Variants in CDH13 observed in about 807,000 individuals in gnomAD.
CDH13 encodes the protein cadherin 13.
A neutral mutation model predicts 63.8 loss-of-function variants in CDH13; 24 were observed. The ratio of observed to expected loss-of-function variants is 0.38; its 90% confidence interval spans 0.27 to 0.53. The LOEUF is 0.53. Among genes scored for constraint, CDH13 ranks in the 20% least tolerant of loss-of-function variants. The pLI, the probability that CDH13 is intolerant of heterozygous loss-of-function variation, is 0.85. For missense variants in CDH13, 1,049 were observed against 903.1 expected (o/e 1.16, Z -2.07); for synonymous variants, 503 against 355.3 (o/e 1.42, Z -4.67).
intron 1 of CDH13, among the ~76,000 whole-genome samples, chr16:82,782,975 C>G (rs970825495): frequency 3.9e-5 from 6 of 152,176 alleles, no homozygotes; most frequent in African/African-American, 1.2e-4. Context: ...GTGGAGCTTT[C>G]CCAGGTGCTG....
chr16:83,637,188 C>T (rs1362158219), intron 8 of CDH13, among the ~76,000 whole-genome samples: 3 of 152,170 alleles, frequency 2.0e-5, no homozygotes, highest in Non-Finnish European at 2.9e-5. Flanking sequence ...TAAAACATAA[C>T]TCATTTCCAT....
At chr16:83,091,398 C>T (rs999752004) in intron 3 of CDH13, among the ~76,000 whole-genome samples, 4 of 152,190 alleles carry the variant, frequency 2.6e-5, no homozygotes, top group Admixed American at 6.5e-5. Context: ...AGCCCAATGA[C>T]CAAATCATGA....
At chr16:83,370,319 T>A (rs1408189756) in intron 6 of CDH13, among the ~76,000 whole-genome samples, 1 of 146,054 alleles carries the variant, frequency 6.8e-6, no homozygotes, top group African/African-American at 2.6e-5. Flanking sequence ...ACCCGGGAGG[T>A]GGAGCTTGCA....
At chr16:82,848,211 G>T (rs1484393408) in intron 1 of CDH13, among the ~76,000 whole-genome samples, 1 of 152,212 alleles carries the variant, frequency 6.6e-6, no homozygotes, top group African/African-American at 2.4e-5. Flanking sequence ...AATTAGTCCT[G>T]GAGTTGCAGC....
intron 7 of CDH13, 149 bp from the exon 8 acceptor site, chr16:83,602,305 A>C: frequency 1.3e-6 from 1 of 795,070 alleles, no homozygotes. Context: ...ACATTTATAC[A>C]CAATAGGTAA....
intron 2 of CDH13, chr16:82,884,566 G>T (rs1365487248): frequency 1.5e-5 from 3 of 194,690 alleles, no homozygotes; most frequent in Non-Finnish European, 3.2e-5. Context: ...TGTGTCCCCT[G>T]TAGGTGTTTG....
At chr16:83,515,600 T>G (rs1231452865) in intron 7 of CDH13, among the ~76,000 whole-genome samples, 1 of 152,194 alleles carries the variant, frequency 6.6e-6, no homozygotes, top group Admixed American at 6.5e-5. Context: ...TGTCAAAGTT[T>G]CCAGTGTTAA....
At chr16:83,287,289 T>A (rs938497918) in intron 5 of CDH13, among the ~76,000 whole-genome samples, 1 of 152,158 alleles carries the variant, frequency 6.6e-6, no homozygotes. Flanking sequence ...ACCAAAACTT[T>A]CATTCAGTAA....
intron 6 of CDH13, among the ~76,000 whole-genome samples, chr16:83,418,693 AG>A (rs2071624691): frequency 1.8e-5 from 2 of 110,914 alleles, no homozygotes; most frequent in East Asian, 7.9e-4. Context: ...TTTAGCAAAG[AG>A]AGAGAGAGAG....
At chr16:82,791,064 C>G (rs573044245) in intron 1 of CDH13, among the ~76,000 whole-genome samples, 1 of 152,074 alleles carries the variant, frequency 6.6e-6, no homozygotes. Context: ...AGTGAAATTC[C>G]GTCTTTACTA....
At chr16:83,301,672 G>C (rs1407797805) in intron 5 of CDH13, among the ~76,000 whole-genome samples, 1 of 152,116 alleles carries the variant, frequency 6.6e-6, no homozygotes, top group Non-Finnish European at 1.5e-5. Context: ...GAAATCTCCA[G>C]CTTGAACGTT....
At chr16:82,775,196 A>G (rs1025440864) in intron 1 of CDH13, among the ~76,000 whole-genome samples, 3 of 152,228 alleles carry the variant, frequency 2.0e-5, no homozygotes, top group African/African-American at 7.2e-5. Context: ...TAGAGTGAAT[A>G]GATAAATGCA....
chr16:83,190,345 G>C (rs1027783668), intron 4 of CDH13, among the ~76,000 whole-genome samples: 2 of 152,118 alleles, frequency 1.3e-5, no homozygotes, highest in African/African-American at 4.8e-5. Context: ...AAGCCTGCTG[G>C]GTAAACAAAT....
intron 3 of CDH13, among the ~76,000 whole-genome samples, chr16:83,106,747 C>G (rs2034785318): frequency 6.6e-6 from 1 of 152,284 alleles, no homozygotes; most frequent in Non-Finnish European, 1.5e-5. Flanking sequence ...TCCACTTCAA[C>G]TTAAACAAAA....
At chr16:83,003,040 A>G (rs576463535) in intron 2 of CDH13, among the ~76,000 whole-genome samples, 38 of 152,348 alleles carry the variant, frequency 2.5e-4, no homozygotes, top group Middle Eastern at 3.4e-3. Flanking sequence ...CTGGTCCAGC[A>G]TGACTCAGCT....
intron 7 of CDH13, among the ~76,000 whole-genome samples, chr16:83,511,512 C>G (rs1330484812): frequency 6.6e-6 from 1 of 151,908 alleles, no homozygotes; most frequent in Non-Finnish European, 1.5e-5. Context: ...CTCACACACT[C>G]GCACATACAC....
intron 2 of CDH13, among the ~76,000 whole-genome samples, chr16:82,867,256 T>C (rs1383625186): frequency 6.6e-6 from 1 of 152,196 alleles, no homozygotes; most frequent in Non-Finnish European, 1.5e-5. Context: ...TTTTCATCCA[T>C]AGTTCTGTGG....
chr16:83,486,923 A>T (rs1444073657), intron 7 of CDH13, among the ~76,000 whole-genome samples: 2 of 152,118 alleles, frequency 1.3e-5, no homozygotes, highest in Non-Finnish European at 2.9e-5. Context: ...CTTATTCTCT[A>T]GGCCCTGGTG....
intron 5 of CDH13, among the ~76,000 whole-genome samples, chr16:83,337,042 G>A (rs192009529): frequency 1.3e-5 from 2 of 152,136 alleles, no homozygotes; most frequent in South Asian, 4.1e-4. Flanking sequence ...TTAATAGTTC[G>A]CCATGAAGCT....
Sources: allele counts gnomAD v4.1 joint callset (sites outside exome capture counted in the v4.1 genomes callset), GRCh38; gene constraint gnomAD v4.1.1; transcripts MANE v1.5; gene names NCBI Gene and HGNC (gene_info 2026-07-23, HGNC 2026-07-21).